The following DNAH17 variants were observed in gnomAD, a reference collection of about 807,000 sequenced individuals.
DNAH17 encodes dynein axonemal heavy chain 17.
In DNAH17, 376 loss-of-function variants were observed where a neutral mutation model predicts 485.6. The observed-to-expected ratio is 0.77, with a 90% confidence interval of 0.71 to 0.84. DNAH17 has a LOEUF of 0.84. Among genes scored for constraint, DNAH17 ranks in the 40% least tolerant of loss-of-function variants. The pLI, the probability that DNAH17 is intolerant of heterozygous loss-of-function variation, is 0.00. For synonymous variants in DNAH17, 3,031 were observed against 2,405.9 expected, an observed-to-expected ratio of 1.26 and a Z score of -7.60; for missense variants, 6,370 against 5,839.3, an observed-to-expected ratio of 1.09 and a Z score of -2.96.
At chr17:78,474,662 A>G (rs550027411) in intron 54 of DNAH17, among the ~76,000 whole-genome samples, 1 of 147,924 alleles carries the variant, frequency 6.8e-6, no homozygotes, top group East Asian at 2.0e-4. Flanking sequence ...AGTAGTTGAC[A>G]GACACACTCT....
rs1201052653 is a variant in DNAH17, at chr17:78,560,822, T to C, written c.1949A>G (p.Gln650Arg). The part of the protein sequence containing the change: ...IYQQWVAGVD[Q>R]DCHFNLGQPL... ...CTGCCCCAGGTTAAAGTGGCAGTCC[T>C]GGTCCACGCCCGCCACCCACTGCTG... Residue 650 changes from glutamine to arginine, a missense_variant, in exon 13 of 81, where the codon CAG becomes CGG. Gln to Arg is a conservative substitution (Grantham distance 43). Coordinates refer to ENST00000389840, the MANE Select transcript of DNAH17 (RefSeq NM_173628.4). 4.5e-6 allele frequency: 7 copies of C among 1,551,868 alleles called. No individual in the cohort carries two copies. The Admixed American group carries it at 1.2e-4, about 26-fold the overall frequency.
intron 55 of DNAH17, among the ~76,000 whole-genome samples, 179 bp downstream of exon 55, chr17:78,468,438 G>A (rs998158894): frequency 9.9e-5 from 15 of 152,066 alleles, no homozygotes; most frequent in Admixed American, 2.0e-4. Context: ...AACGACCCAC[G>A]TGAAAAAGTC....
In DNAH17 at chr17:78,468,614, C is replaced by T. The variant is rs748991633; in HGVS notation, c.8778+3G>A. On this transcript the variant is annotated splice_donor_region_variant and intron_variant, in intron 55 of 80. Transcript: ENST00000389840. ...GAGGCCCTGCCGAAGACGGGAGCCC[C>T]ACCTTGAGCTGTCTGCGCACTTTTT... The T allele has an allele frequency of 1.2e-6, 2 of 1,610,738 alleles. No individual in the cohort carries two copies. Among genetic ancestry groups the T allele is most frequent in the Middle Eastern group, 1.7e-4 (1 of 6,048 alleles).
At chr17:78,520,081 AG>A (rs2090896237) in intron 25 of DNAH17, among the ~76,000 whole-genome samples, 1 of 151,384 alleles carries the variant, frequency 6.6e-6, no homozygotes, top group African/African-American at 2.4e-5. Context: ...ACTGCACTCC[AG>A]GCCTGGGCGA....
chr17:78,462,829 GCC>G lies in DNAH17; in HGVS notation c.9174+13_9174+14del. On this transcript the variant is annotated intron_variant, in intron 57 of 80. Coordinates refer to ENST00000389840, the MANE Select transcript of DNAH17 (RefSeq NM_173628.4). ...GGAACGGCACAGGAGCTGGCAGCCA[GCC>G]CCCCTCTCCTACCTGGGAAGCCGTG... is the stretch of plus-strand genomic sequence containing the variant. 1 of 1,613,266 alleles carries G rather than the reference GCC, an allele frequency of 6.2e-7. No homozygotes were observed. The highest frequency in any genetic ancestry group is 8.5e-7 in the Non-Finnish European group (1 of 1,179,550).
chr17:78,563,480 G>GA (rs998101444), intron 11 of DNAH17, among the ~76,000 whole-genome samples: 6 of 146,812 alleles, frequency 4.1e-5, no homozygotes, highest in South Asian at 2.1e-4. Context: ...CAGAAAAATA[G>GA]AAAAAAACCC....
rs766312093 is a variant in DNAH17 at position 78,561,824 on chromosome 17, G to A, written c.1726C>T (p.Pro576Ser). ...QMAASEEGNI[P>S]LIHKNMPPVA... ...GGAGGCATGTTTTTGTGGATCAGGG[G>A]GATGTTCCCCTCCTCGGAGGCCGCC... The change falls in exon 12 of 81, where the codon CCC becomes TCC. Residue 576 changes from proline (P) to serine (S), a missense_variant. By Grantham distance (74) the Pro-to-Ser change is moderately conservative. Transcript: ENST00000389840. The A allele has an allele frequency of 5.6e-6, 9 of 1,613,744 alleles. No homozygotes were observed. The South Asian group carries it at 7.7e-5, about 14-fold the overall frequency.
chr17:78,574,042 A>C (rs1046661111), intron 2 of DNAH17, among the ~76,000 whole-genome samples: 1 of 152,132 alleles, frequency 6.6e-6, no homozygotes, highest in African/African-American at 2.4e-5. Flanking sequence ...GGAGAAACCT[A>C]TCTGCCAGTA....
chr17:78,428,627 G>A lies in DNAH17; in HGVS notation c.12486C>T (p.Gly4162=), dbSNP rs532106621. The change falls in exon 77 of 81, where the codon GGC becomes GGT. Residue 4162 remains glycine, a synonymous_variant. Coordinates refer to ENST00000389840, the MANE Select transcript of DNAH17 (RefSeq NM_173628.4). ...LYGLHPNAEI[G]FLTVTSEKLF... ...GCTTCTCTGAGGTGACCGTCAGAAA[G>A]CCAATCTCTGCGTTGGGGTGCAGGC... The A allele has an allele frequency of 1.1e-5, 17 of 1,614,002 alleles. No individual in the cohort carries two copies. The African/African-American group carries it at 1.2e-4, about 11-fold the overall frequency.
chr17:78,485,298 C>G, intron 47 of DNAH17: 1 of 618,590 alleles, frequency 1.6e-6, no homozygotes, highest in South Asian at 2.0e-5. Flanking sequence ...GAGACACTCC[C>G]GGGGGACCTG....
intron 16 of DNAH17, among the ~76,000 whole-genome samples, chr17:78,546,423 C>T (rs2091765968): frequency 6.6e-6 from 1 of 152,106 alleles, no homozygotes; most frequent in African/African-American, 2.4e-5. Flanking sequence ...AATGTTTGCC[C>T]TTTGTTATCA....
intron 25 of DNAH17, chr17:78,522,663 A>G: frequency 4.7e-6 from 1 of 212,594 alleles, no homozygotes; most frequent in Non-Finnish European, 9.7e-6. Flanking sequence ...CTGCTTCCTG[A>G]ATGCTGAGCA....
chr17:78,492,089 G>T (rs1322983255), intron 42 of DNAH17, among the ~76,000 whole-genome samples: 1 of 152,074 alleles, frequency 6.6e-6, no homozygotes, highest in Non-Finnish European at 1.5e-5. Context: ...GATGGGTAGG[G>T]TGCGGGGGAC....
At position 78,476,752 on chromosome 17, in the gene DNAH17, G is replaced by T; in HGVS notation, c.7993-19C>A. On this transcript the variant is annotated intron_variant, in intron 51 of 80. Coordinates refer to ENST00000389840, the MANE Select transcript of DNAH17 (RefSeq NM_173628.4). ...AGAGTCCCTGCCCCAAACACAGGAT[G>T]ATCAGCACCGTCAGCTGTTACGAAG... 1 of 1,607,876 alleles carries T rather than the reference G, an allele frequency of 6.2e-7. No individual in the cohort carries two copies.
At chr17:78,496,176 T>A (rs896818856) in intron 37 of DNAH17, 144 bp from the exon 38 acceptor site, 1 of 977,016 alleles carries the variant, frequency 1.0e-6, no homozygotes, top group Non-Finnish European at 1.5e-6. Context: ...AAATTAAGCC[T>A]TTTATTTTTG....
chr17:78,560,342 G>T (rs989061593), intron 13 of DNAH17, among the ~76,000 whole-genome samples: 2 of 152,106 alleles, frequency 1.3e-5, no homozygotes, highest in Non-Finnish European at 2.9e-5. Flanking sequence ...GTAGGAATTC[G>T]GTTCCATCCT....
intron 80 of DNAH17, among the ~76,000 whole-genome samples, chr17:78,424,755 A>G (rs909391579): frequency 8.5e-5 from 13 of 152,178 alleles, no homozygotes; most frequent in Non-Finnish European, 1.5e-4. Context: ...TGAAGGGGAC[A>G]GGTATGTGGT....
chr17:78,484,739 A>ACCCCCCTGCCGCCCCCCC, intron 48 of DNAH17, 129 bp downstream of exon 48: 2 of 347,794 alleles, frequency 5.8e-6, no homozygotes, highest in Non-Finnish European at 9.1e-6. Context: ...ACGTTGCAGC[A>ACCCCCCTGCCGCCCCCCC]CCCCCCCCAC....
chr17:78,536,597 A>G (rs957999874), intron 19 of DNAH17, among the ~76,000 whole-genome samples: 2 of 148,512 alleles, frequency 1.3e-5, no homozygotes, highest in African/African-American at 5.0e-5. Flanking sequence ...GGGAGGATCA[A>G]TTGGGCCCGG....
Sources: gnomAD v4.1 joint callset for allele counts (sites outside exome capture counted in the v4.1 genomes callset) on GRCh38, gnomAD v4.1.1 for gene constraint, MANE v1.5 for transcripts, NCBI Gene and HGNC (gene_info 2026-07-23, HGNC 2026-07-21) for gene names.